The following TSHZ2 variants were observed in gnomAD, a reference collection of about 807,000 sequenced individuals.
TSHZ2 encodes the protein teashirt zinc finger homeobox 2.
TSHZ2 carries 21 observed loss-of-function variants against 74.4 expected under a neutral mutation model. The ratio of observed to expected loss-of-function variants is 0.28; its 90% CI spans 0.20 to 0.41. The LOEUF is 0.41. Ranked by LOEUF, TSHZ2 falls within the 10% of genes least tolerant of loss-of-function variation. The pLI, the probability that TSHZ2 is intolerant of heterozygous loss-of-function variation, is 1.00. For missense variants in TSHZ2, 1,244 were observed against 1,293.5 expected, an observed-to-expected ratio of 0.96 and a Z score of 0.59; for synonymous variants, 540 against 515.3, an observed-to-expected ratio of 1.05 and a Z score of -0.65.
intron 2 of TSHZ2, among the ~76,000 whole-genome samples, chr20:53,345,004 T>G (rs1044747330): frequency 2.6e-5 from 4 of 152,190 alleles, no homozygotes; most frequent in Non-Finnish European, 4.4e-5. Context: ...TGTGTTAGAA[T>G]TATTTGTGTG....
chr20:53,063,263 C>T (rs1345386073), intron 1 of TSHZ2, among the ~76,000 whole-genome samples: 1 of 152,140 alleles, frequency 6.6e-6, no homozygotes, highest in African/African-American at 2.4e-5. Flanking sequence ...TGAAATACCT[C>T]TGAAGCACAA....
At chr20:53,327,262 G>A (rs1979531861) in intron 2 of TSHZ2, among the ~76,000 whole-genome samples, 1 of 152,226 alleles carries the variant, frequency 6.6e-6, no homozygotes, top group South Asian at 2.1e-4. Flanking sequence ...CTGGACACTA[G>A]CTGTGGGATG....
At chr20:53,008,980 C>CCTCTCTCTCTCTCTCTCTCT (rs55692015) in intron 1 of TSHZ2, among the ~76,000 whole-genome samples, 5 of 130,480 alleles carry the variant, frequency 3.8e-5, no homozygotes, top group African/African-American at 9.4e-5. Flanking sequence ...TTGTCTTTCT[C>CCTCTCTCTCTCTCTCTCTCT]CTCTCTCTCT....
At chr20:53,439,137 A>G (rs1023966494) in intron 2 of TSHZ2, among the ~76,000 whole-genome samples, 1 of 152,238 alleles carries the variant, frequency 6.6e-6, no homozygotes, top group Non-Finnish European at 1.5e-5. Context: ...GTATGACTTT[A>G]AAATGTACCT....
chr20:53,446,578 CAA>C (rs5841946), intron 2 of TSHZ2, among the ~76,000 whole-genome samples: 304 of 105,774 alleles, frequency 2.9e-3, no homozygotes, highest in African/African-American at 7.7e-3. Flanking sequence ...GACTCTGTCG[CAA>C]AAAAAAAAAA....
At chr20:53,082,354 A>G (rs1441230935) in intron 1 of TSHZ2, among the ~76,000 whole-genome samples, 1 of 152,214 alleles carries the variant, frequency 6.6e-6, no homozygotes, top group African/African-American at 2.4e-5. Flanking sequence ...GTCGAGCCAT[A>G]ATAAAGAAGC....
chr20:53,210,995 G>GA (rs1157565525), intron 1 of TSHZ2, among the ~76,000 whole-genome samples: 6 of 152,046 alleles, frequency 3.9e-5, no homozygotes, highest in African/African-American at 1.2e-4. Flanking sequence ...GAAAAAAAGA[G>GA]AAAAAACAAA....
intron 1 of TSHZ2, among the ~76,000 whole-genome samples, chr20:53,122,716 T>TG (rs1323207129): frequency 1.3e-5 from 2 of 152,142 alleles, no homozygotes; most frequent in Non-Finnish European, 2.9e-5. Flanking sequence ...AGGCTGCCTC[T>TG]GGTATCACGG....
chr20:53,287,133 C>A (rs1453696682), intron 2 of TSHZ2, among the ~76,000 whole-genome samples: 1 of 152,166 alleles, frequency 6.6e-6, no homozygotes. Flanking sequence ...CAAATTATTT[C>A]TTTATATTGT....
At chr20:53,164,857 G>A (rs1056540203) in intron 1 of TSHZ2, among the ~76,000 whole-genome samples, 1 of 152,116 alleles carries the variant, frequency 6.6e-6, no homozygotes, top group South Asian at 2.1e-4. Flanking sequence ...TTTCCATAAG[G>A]AATTCTATAA....
chr20:53,073,466 A>C (rs866542112), intron 1 of TSHZ2, among the ~76,000 whole-genome samples: 28 of 151,886 alleles, frequency 1.8e-4, no homozygotes, highest in Non-Finnish European at 2.9e-4. Context: ...CCATTTCTCT[A>C]TTCTTCCATT....
At chr20:53,251,495 A>G (rs1309980904) in intron 1 of TSHZ2, among the ~76,000 whole-genome samples, 1 of 152,208 alleles carries the variant, frequency 6.6e-6, no homozygotes, top group Non-Finnish European at 1.5e-5. Flanking sequence ...ATTTTAAACT[A>G]CAGTTTTCCT....
intron 1 of TSHZ2, among the ~76,000 whole-genome samples, chr20:53,176,570 C>A (rs898130774): frequency 3.9e-5 from 6 of 152,070 alleles, no homozygotes; most frequent in Non-Finnish European, 5.9e-5. Context: ...GGTACTGGTG[C>A]AAAACTCCCT....
At chr20:53,472,849 C>T (rs1440622035) in intron 2 of TSHZ2, among the ~76,000 whole-genome samples, 8 of 152,050 alleles carry the variant, frequency 5.3e-5, no homozygotes, top group South Asian at 4.2e-4. Context: ...ACTCGGGAAG[C>T]GCAAGGGGTC....
chr20:53,334,711 T>C (rs947598312), intron 2 of TSHZ2, among the ~76,000 whole-genome samples: 2 of 152,118 alleles, frequency 1.3e-5, no homozygotes, highest in African/African-American at 4.8e-5. Context: ...AAATTTTTTT[T>C]TGAGGCAGAG....
At chr20:53,365,507 A>C (rs1157203015) in intron 2 of TSHZ2, among the ~76,000 whole-genome samples, 5 of 152,188 alleles carry the variant, frequency 3.3e-5, no homozygotes, top group Admixed American at 3.3e-4. Flanking sequence ...TTTTTTACTT[A>C]CAGTAAGTGA....
chr20:53,410,931 T>A (rs1296623100), intron 2 of TSHZ2, among the ~76,000 whole-genome samples: 1 of 152,172 alleles, frequency 6.6e-6, no homozygotes, highest in African/African-American at 2.4e-5. Context: ...TGCCTTGGCC[T>A]CCCAAAATGC....
At chr20:53,391,156 G>GC (rs1982239487) in intron 2 of TSHZ2, among the ~76,000 whole-genome samples, 1 of 63,044 alleles carries the variant, frequency 1.6e-5, no homozygotes, top group Non-Finnish European at 3.4e-5. Flanking sequence ...TTTTGTTTTG[G>GC]TTTGGTTTGA....
chr20:53,177,749 A>G (rs538054858), intron 1 of TSHZ2, among the ~76,000 whole-genome samples: 2 of 152,324 alleles, frequency 1.3e-5, no homozygotes, highest in South Asian at 4.1e-4. Flanking sequence ...AAATCTGGTC[A>G]TGGACCCACA....
Sources: allele counts gnomAD v4.1 joint callset (sites outside exome capture counted in the v4.1 genomes callset), GRCh38; gene constraint gnomAD v4.1.1; transcripts MANE v1.5; gene names NCBI Gene and HGNC (gene_info 2026-07-23, HGNC 2026-07-21).